AAK1: variants seen among roughly 807,000 people sequenced by gnomAD.
AAK1 encodes the protein AP2-associated protein kinase 1.
A neutral mutation model predicts 116.0 loss-of-function variants in AAK1; 37 were observed. The ratio of observed to expected loss-of-function variants is 0.32; its 90% CI spans 0.25 to 0.42. AAK1 has a LOEUF of 0.42. AAK1 is among the 10% of genes least tolerant of loss of function. The pLI, the probability that AAK1 is intolerant of heterozygous loss-of-function variation, is 1.00. For synonymous variants in AAK1, 458 were observed against 439.9 expected, an observed-to-expected ratio of 1.04 and a Z score of -0.51; for missense variants, 919 against 1,170.6, an observed-to-expected ratio of 0.79 and a Z score of 3.14.
At chr2:69,581,877 G>A (rs1362471380) in intron 2 of AAK1, among the ~76,000 whole-genome samples, 1 of 152,068 alleles carries the variant, frequency 6.6e-6, no homozygotes, top group Non-Finnish European at 1.5e-5. Flanking sequence ...AGCTACTCAA[G>A]AGGCTGTGGT....
Position 69,505,858 on chromosome 2 carries a change from A to G in AAK1, c.2165-185T>C, listed in dbSNP as rs182262562. ...AACTGAGAGAACGGCTGAGAAAAAAAAGGAAATTGTTAAGAATCAAAAGAG... is the reference window on the plus strand; with the variant it reads ...AACTGAGAGAACGGCTGAGAAAAAAGAGGAAATTGTTAAGAATCAAAAGAG... On this transcript the variant is annotated intron_variant, in intron 15 of 21. Coordinates refer to ENST00000409085, the MANE Select transcript of AAK1 (RefSeq NM_014911.5). Among the ~76,000 whole-genome samples, 251 of 152,356 alleles carry G rather than the reference A, an allele frequency of 1.6e-3. 4 individuals carry two copies. The highest frequency in any genetic ancestry group is 3.8e-4 in the Non-Finnish European group (26 of 68,028).
intron 2 of AAK1, among the ~76,000 whole-genome samples, chr2:69,588,526 G>A (rs898513588): frequency 2.0e-5 from 3 of 152,276 alleles, no homozygotes; most frequent in Non-Finnish European, 2.9e-5. Context: ...TACAGGTGAC[G>A]CAGGTATCCA....
At chr2:69,597,142 GGTGT>G (rs992582612) in intron 2 of AAK1, among the ~76,000 whole-genome samples, 1 of 152,026 alleles carries the variant, frequency 6.6e-6, no homozygotes, top group Non-Finnish European at 1.5e-5. Flanking sequence ...AAATTCTACA[GGTGT>G]GTGTTTTATA....
chr2:69,602,419 T>C (rs1481969709), intron 2 of AAK1, among the ~76,000 whole-genome samples: 2 of 152,110 alleles, frequency 1.3e-5, no homozygotes, highest in African/African-American at 2.4e-5. Flanking sequence ...GTTTATATTA[T>C]ATACTGTATA....
chr2:69,491,146 C>T lies in AAK1; in HGVS notation c.2365+4839G>A, dbSNP rs188664681. ...TTTTTTTAGATACAGGGTCTCACCA[C>T]GTTGCCCAGGCTGGTCTCGAACTCC... On this transcript the variant is annotated intron_variant, in intron 17 of 21. Coordinates refer to ENST00000409085, the MANE Select transcript of AAK1 (RefSeq NM_014911.5). Among the ~76,000 whole-genome samples the T allele has an allele frequency of 6.6e-4, 100 of 151,990 alleles. 2 individuals carry two copies. The highest frequency in any genetic ancestry group is 5.9e-3 in the Admixed American group (90 of 15,268).
At chr2:69,518,668 C>T (rs1322972129) in intron 12 of AAK1, among the ~76,000 whole-genome samples, 5 of 152,054 alleles carry the variant, frequency 3.3e-5, no homozygotes, top group East Asian at 1.9e-4. Flanking sequence ...CCACCTGTCT[C>T]GGCCTCCCAA....
At position 69,608,002 on chromosome 2, in the gene AAK1, G is replaced by C. The variant is rs377680219; in HGVS notation, c.163+34876C>G. ...CAAAAATAGACAAAAACATGCATTT[G>C]AGTTGGAAACCAGGAAGGATGCCAT... On this transcript the variant is annotated intron_variant, in intron 2 of 21. Transcript: ENST00000409085. Among the ~76,000 whole-genome samples the C allele has an allele frequency of 3.3e-5, 5 of 152,202 alleles. No individual in the cohort carries two copies. In the East Asian group the frequency reaches 7.7e-4, roughly 23 times the overall value.
In AAK1 at chr2:69,462,249, A is replaced by G. The variant is rs1674358667; in HGVS notation, c.*13620T>C. ...GGGGGGAGGGGGGCGGGATAGCATT[A>G]GGAGATATACCTAATGCTAAATGAC... is the stretch of plus-strand genomic sequence containing the variant. On this transcript the variant is annotated 3_prime_UTR_variant, in exon 22 of 22. Coordinates refer to ENST00000409085, the MANE Select transcript of AAK1 (RefSeq NM_014911.5). 1 of 150,000 alleles carries G rather than the reference A, an allele frequency of 6.7e-6. No homozygotes were observed. Among genetic ancestry groups the G allele is most frequent in the Non-Finnish European group, 1.5e-5 (1 of 67,476 alleles). 9.3% of individuals were successfully genotyped at this position (150,000 alleles called of 1,614,324 possible). A position where few individuals can be genotyped will look rare whatever the true frequency, so the allele number is the denominator to read the frequency against.
chr2:69,596,264 A>G (rs2105182606), intron 2 of AAK1, among the ~76,000 whole-genome samples: 1 of 147,284 alleles, frequency 6.8e-6, no homozygotes, highest in Admixed American at 6.9e-5. Flanking sequence ...TCTGTTGCTC[A>G]GGCTCAAGTG....
chr2:69,490,472 T>A (rs1037918343), intron 17 of AAK1, among the ~76,000 whole-genome samples: 1 of 152,152 alleles, frequency 6.6e-6, no homozygotes, highest in Admixed American at 6.5e-5. Context: ...GGAATATTAC[T>A]TAGCCTGAGA....
chr2:69,487,727 T>C (rs559803349), intron 17 of AAK1, among the ~76,000 whole-genome samples: 55 of 152,030 alleles, frequency 3.6e-4, no homozygotes, highest in Non-Finnish European at 5.6e-4. Context: ...GAAAAGCAAT[T>C]GGACAATTCT....
chr2:69,565,654 G>A (rs974251689), intron 2 of AAK1, among the ~76,000 whole-genome samples: 1 of 152,262 alleles, frequency 6.6e-6, no homozygotes, highest in East Asian at 1.9e-4. Flanking sequence ...CACAGTGAAA[G>A]GCAAGAGGGA....
At chr2:69,489,237 G>C (rs983979316) in intron 17 of AAK1, among the ~76,000 whole-genome samples, 1 of 151,536 alleles carries the variant, frequency 6.6e-6, no homozygotes, top group Non-Finnish European at 1.5e-5. Context: ...GATCACCTGA[G>C]GTCAGGAGTT....
chr2:69,531,976 TA>T (rs1211016229), intron 6 of AAK1, 64 bp downstream of exon 6: 11 of 1,594,934 alleles, frequency 6.9e-6, no homozygotes, highest in Non-Finnish European at 9.4e-6. Flanking sequence ...TTCTCATCCA[TA>T]AGCTGAAGGT....
Position 69,475,682 on chromosome 2 carries a change from T to C in AAK1, c.*187A>G. 7.2e-7 allele frequency: 1 copy of C among 1,385,730 alleles called. No individual in the cohort carries two copies. The highest frequency in any genetic ancestry group is 9.3e-7 in the Non-Finnish European group (1 of 1,070,184). The allele number at this position is 1,385,730 out of a possible 1,614,324, so 85.8% of individuals were successfully genotyped here. A position where few individuals can be genotyped will look rare whatever the true frequency, so the allele number is the denominator to read the frequency against. ...ACAAGGAGGAACTGGCCAAGGAATA[T>C]CTGGAGGGCCAAAGTGATTTTCTTT... On this transcript the variant is annotated 3_prime_UTR_variant, in exon 22 of 22. Coordinates refer to ENST00000409085, the MANE Select transcript of AAK1 (RefSeq NM_014911.5).
intron 2 of AAK1, among the ~76,000 whole-genome samples, chr2:69,635,987 T>C (rs1275147215): frequency 4.6e-5 from 7 of 152,338 alleles, no homozygotes; most frequent in Non-Finnish European, 5.9e-5. Context: ...GATTTTGTCC[T>C]TGTTAATATA....
chr2:69,509,732 T>C (rs1676320586), intron 13 of AAK1, among the ~76,000 whole-genome samples: 1 of 152,194 alleles, frequency 6.6e-6, no homozygotes, highest in Admixed American at 6.5e-5. Context: ...AACCATATGT[T>C]AACCATATTC....
chr2:69,493,416 G>A lies in AAK1; in HGVS notation c.2365+2569C>T, dbSNP rs1341343991. On this transcript the variant is annotated intron_variant, in intron 17 of 21. Coordinates refer to ENST00000409085, the MANE Select transcript of AAK1 (RefSeq NM_014911.5). Reference sequence around the variant, plus strand: ...GCCTTCCTTTATTCACTCTCAAAGAGTGGGTGTGGGGGGACTGGCTGGGAG... The same window carrying A: ...GCCTTCCTTTATTCACTCTCAAAGAATGGGTGTGGGGGGACTGGCTGGGAG... Among the ~76,000 whole-genome samples, 5 of 152,056 alleles carry A rather than the reference G, an allele frequency of 3.3e-5. No individual in the cohort carries two copies. In the South Asian group the frequency reaches 8.3e-4, roughly 25 times the overall value.
intron 16 of AAK1, among the ~76,000 whole-genome samples, 192 bp from the exon 17 acceptor site, chr2:69,496,272 CG>C (rs1675738604): frequency 6.9e-6 from 1 of 144,422 alleles, no homozygotes; most frequent in Non-Finnish European, 1.5e-5. Context: ...CAATCTGGCC[CG>C]TTTTTTTTTT....
Sources: gnomAD v4.1 joint callset for allele counts (sites outside exome capture counted in the v4.1 genomes callset) on GRCh38, gnomAD v4.1.1 for gene constraint, MANE v1.5 for transcripts, NCBI Gene and HGNC (gene_info 2026-07-23, HGNC 2026-07-21) for gene names.